The following FRMD4B variants were observed in gnomAD, a reference collection of about 807,000 sequenced individuals.
The protein encoded by FRMD4B is FERM domain-containing protein 4B.
FRMD4B carries 74 observed loss-of-function variants against 141.5 expected under a neutral mutation model. The observed-to-expected ratio is 0.52, with a 90% CI of 0.43 to 0.63. The LOEUF (loss-of-function observed/expected upper bound fraction) is 0.63, where lower values mean the gene tolerates loss of function less well. FRMD4B is among the 30% of genes least tolerant of loss of function. FRMD4B has a pLI of 0.00. For missense variants in FRMD4B, 1,366 were observed against 1,253.4 expected (o/e 1.09, Z -1.36); for synonymous variants, 506 against 467.9 (o/e 1.08, Z -1.05).
At chr3:69,305,194 T>C (rs1010327015) in intron 3 of FRMD4B, among the ~76,000 whole-genome samples, 1 of 152,098 alleles carries the variant, frequency 6.6e-6, no homozygotes, top group Non-Finnish European at 1.5e-5. Context: ...CTGGAGAAAA[T>C]GAGACTAGAG....
intron 5 of FRMD4B, among the ~76,000 whole-genome samples, chr3:69,260,430 G>A (rs557068919): frequency 1.9e-3 from 287 of 152,370 alleles, no homozygotes; most frequent in Non-Finnish European, 3.0e-3. Flanking sequence ...CAGCAGCTGC[G>A]GAGGGTGCAC....
intron 7 of FRMD4B, among the ~76,000 whole-genome samples, chr3:69,232,577 C>T (rs1362229345): frequency 6.6e-6 from 1 of 152,168 alleles, no homozygotes; most frequent in East Asian, 1.9e-4. Flanking sequence ...AATGTGCCAA[C>T]CCCACTCATT....
At chr3:69,467,883 G>T (rs1498838) in intron 1 of FRMD4B, among the ~76,000 whole-genome samples, 12 of 152,114 alleles carry the variant, frequency 7.9e-5, no homozygotes, top group Non-Finnish European at 1.2e-4. Flanking sequence ...GGACACTGAA[G>T]AAATAGGAGT....
At chr3:69,177,140 C>T (rs947431061) in intron 21 of FRMD4B, among the ~76,000 whole-genome samples, 1 of 152,074 alleles carries the variant, frequency 6.6e-6, no homozygotes, top group African/African-American at 2.4e-5. Context: ...GAGTTCAAGA[C>T]CAGCCTGGCC....
intron 2 of FRMD4B, among the ~76,000 whole-genome samples, chr3:69,405,421 G>A (rs555109733): frequency 5.9e-5 from 9 of 152,326 alleles, no homozygotes; most frequent in East Asian, 1.9e-4. Flanking sequence ...AGGACATAGC[G>A]GTTTGTGTAG....
At chr3:69,317,258 C>T (rs889713965) in intron 1 of FRMD4B, among the ~76,000 whole-genome samples, 7 of 152,126 alleles carry the variant, frequency 4.6e-5, no homozygotes, top group Non-Finnish European at 1.5e-5. Context: ...TTTACTTGGT[C>T]CTGCCCCTTT....
intron 1 of FRMD4B, among the ~76,000 whole-genome samples, chr3:69,465,865 T>C (rs1411560017): frequency 1.3e-5 from 2 of 152,202 alleles, no homozygotes; most frequent in African/African-American, 4.8e-5. Flanking sequence ...TGTCCATGTG[T>C]CTTTATAGGA....
intron 11 of FRMD4B, among the ~76,000 whole-genome samples, chr3:69,215,536 C>T (rs144528002): frequency 0.018 from 2,692 of 151,824 alleles, 47 homozygotes; most frequent in Non-Finnish European, 0.028. Context: ...TCTGATCCAC[C>T]CACCTTGGCC....
At chr3:69,194,719 T>C (rs971731171) in intron 16 of FRMD4B, among the ~76,000 whole-genome samples, 4 of 152,230 alleles carry the variant, frequency 2.6e-5, no homozygotes, top group Non-Finnish European at 1.5e-5. Context: ...ACAAAGGCTA[T>C]TATTTAGTTT....
intron 9 of FRMD4B, among the ~76,000 whole-genome samples, chr3:69,219,162 C>CAA (rs34697144): frequency 0.81 from 105,681 of 130,488 alleles, 43,364 homozygotes; most frequent in East Asian, 0.97. Flanking sequence ...GAGAATCTGT[C>CAA]AAAAAAAAAA....
chr3:69,207,700 C>T (rs1436505328), intron 11 of FRMD4B, among the ~76,000 whole-genome samples: 2 of 151,862 alleles, frequency 1.3e-5, no homozygotes, highest in African/African-American at 2.4e-5. Flanking sequence ...CCCAGCTACT[C>T]GGGAGGCTGA....
intron 1 of FRMD4B, among the ~76,000 whole-genome samples, chr3:69,332,115 C>T (rs1702389062): frequency 6.6e-6 from 1 of 151,984 alleles, no homozygotes; most frequent in South Asian, 2.1e-4. Flanking sequence ...AAAAAAACAC[C>T]AAGCAATTGA....
chr3:69,353,317 C>CCAA (rs1440787452), intron 1 of FRMD4B, among the ~76,000 whole-genome samples: 5 of 152,166 alleles, frequency 3.3e-5, no homozygotes, highest in Non-Finnish European at 7.3e-5. Context: ...CAGAGCACAT[C>CCAA]CAACTCCGTT....
intron 5 of FRMD4B, among the ~76,000 whole-genome samples, chr3:69,263,707 C>T (rs1425944749): frequency 6.6e-6 from 1 of 151,058 alleles, no homozygotes; most frequent in African/African-American, 2.4e-5. Context: ...CCATAGTACC[C>T]AGCCTATATG....
At chr3:69,457,983 CATAGAAGCCAT>C (rs1285287067) in intron 1 of FRMD4B, among the ~76,000 whole-genome samples, 3 of 152,166 alleles carry the variant, frequency 2.0e-5, no homozygotes, top group Admixed American at 1.3e-4. Context: ...CCCTGGTGCC[CATAGAAGCCAT>C]CTTTCTTGGC....
At chr3:69,264,152 G>C (rs1162197449) in intron 5 of FRMD4B, among the ~76,000 whole-genome samples, 1 of 152,118 alleles carries the variant, frequency 6.6e-6, no homozygotes, top group Non-Finnish European at 1.5e-5. Context: ...ACAGAGTTGG[G>C]CAGTGAGCAA....
At chr3:69,330,404 T>C (rs1176591210) in intron 1 of FRMD4B, among the ~76,000 whole-genome samples, 14 of 128,706 alleles carry the variant, frequency 1.1e-4, no homozygotes, top group Admixed American at 7.9e-4. Flanking sequence ...GGGAGTGCAA[T>C]GGGGTGATCT....
chr3:69,236,904 C>G (rs1040330282), intron 7 of FRMD4B, among the ~76,000 whole-genome samples: 1 of 152,140 alleles, frequency 6.6e-6, no homozygotes, highest in Non-Finnish European at 1.5e-5. Flanking sequence ...CAAGTTAGTT[C>G]CGAAAAACTG....
chr3:69,222,745 T>C (rs933497103), intron 8 of FRMD4B, among the ~76,000 whole-genome samples: 1 of 151,684 alleles, frequency 6.6e-6, no homozygotes, highest in Non-Finnish European at 1.5e-5. Context: ...CACTCCAGCC[T>C]GGGCAACAAG....
Sources: gnomAD v4.1 joint callset for allele counts (sites outside exome capture counted in the v4.1 genomes callset) on GRCh38, gnomAD v4.1.1 for gene constraint, MANE v1.5 for transcripts, NCBI Gene and HGNC (gene_info 2026-07-23, HGNC 2026-07-21) for gene names.